TIAM1: variants seen among roughly 807,000 people sequenced by gnomAD.
TIAM1 encodes TIAM Rac1 associated GEF 1.
TIAM1 carries 65 observed loss-of-function variants against 163.5 expected under a neutral mutation model. The observed-to-expected ratio is 0.40, with a 90% CI of 0.33 to 0.49. TIAM1 has a LOEUF of 0.49. TIAM1 is among the 20% of genes least tolerant of loss of function. The pLI is 0.77. For synonymous variants in TIAM1, 833 were observed against 810.1 expected, an observed-to-expected ratio of 1.03 and a Z score of -0.48; for missense variants, 1,789 against 2,044.7, an observed-to-expected ratio of 0.87 and a Z score of 2.41.
rs2076378877 is a variant in TIAM1 at position 31,359,848 on chromosome 21, GGAAGGAAGGAAGGA to G, written c.-368-20440_-368-20427del. On this transcript the variant is annotated intron_variant, in intron 2 of 28. Coordinates refer to the TIAM1 transcript ENST00000286827. ...AGGAAGGAAGGAAGGAAGGAAGGAA[GGAAGGAAGGAAGGA>G]AGGGAGGGAGGGAGGAAAGACAATG... 2.1e-4 allele frequency among the ~76,000 whole-genome samples: 28 copies of G among 135,772 alleles called. 2 individuals carry two copies. The highest frequency in any genetic ancestry group is 5.7e-4 in the African/African-American group (18 of 31,642). The allele number at this position is 135,772 out of a possible 152,430, so 89.1% of individuals were successfully genotyped here.
At chr21:31,347,651 A>G (rs1026748383), upstream of TIAM1, among the ~76,000 whole-genome samples, 4 of 152,202 alleles carry the variant, frequency 2.6e-5, no homozygotes, top group African/African-American at 9.7e-5. Context: ...TTTTGTTGTT[A>G]ATTTCTCAAG....
In TIAM1 at chr21:31,487,552, G is replaced by C. The variant is rs1025295504; in HGVS notation, c.-421-23517C>G. On this transcript the variant is annotated intron_variant, in intron 1 of 28. Transcript: ENST00000286827. Reference sequence around the variant, plus strand: ...TGCCCAGCTAATTTTTTTTTTTTTTGTATTTTTTTTTTTTTTGAGACGGAG... The same window carrying C: ...TGCCCAGCTAATTTTTTTTTTTTTTCTATTTTTTTTTTTTTTGAGACGGAG... Among the ~76,000 whole-genome samples the C allele has an allele frequency of 4.4e-5, 2 of 45,874 alleles. 1 individual carries two copies. Among genetic ancestry groups the C allele is most frequent in the African/African-American group, 2.4e-4 (2 of 8,268 alleles). The allele number at this position is 45,874 out of a possible 152,430, so 30.1% of individuals were successfully genotyped here.
At chr21:31,557,298 G>C (rs915890811) in intron 1 of TIAM1, among the ~76,000 whole-genome samples, 1 of 152,090 alleles carries the variant, frequency 6.6e-6, no homozygotes, top group Non-Finnish European at 1.5e-5. Flanking sequence ...CTGGGGGAGT[G>C]AAGAACGCAG....
intron 1 of TIAM1, among the ~76,000 whole-genome samples, chr21:31,533,160 A>C (rs971300912): frequency 5.3e-5 from 8 of 152,146 alleles, no homozygotes; most frequent in African/African-American, 1.9e-4. Flanking sequence ...GTCTCTACTA[A>C]AACCACAAAA....
chr21:31,486,956 G>A (rs1486816544), intron 1 of TIAM1, among the ~76,000 whole-genome samples: 1 of 152,190 alleles, frequency 6.6e-6, no homozygotes, highest in African/African-American at 2.4e-5. Context: ...AGTGGTGCTA[G>A]CTAAGACTTG....
intron 2 of TIAM1, among the ~76,000 whole-genome samples, chr21:31,338,797 T>G (rs2075932180): frequency 6.6e-6 from 1 of 152,160 alleles, no homozygotes; most frequent in East Asian, 1.9e-4. Flanking sequence ...ATATTCCACT[T>G]GAACAAAACC....
chr21:31,131,500 G>A (rs1050570628), intron 23 of TIAM1, among the ~76,000 whole-genome samples: 19 of 152,204 alleles, frequency 1.2e-4, no homozygotes, highest in African/African-American at 4.3e-4. Flanking sequence ...TCTAGGAGTG[G>A]TAAACATGTA....
intron 23 of TIAM1, among the ~76,000 whole-genome samples, chr21:31,134,262 G>A (rs1031297438): frequency 2.6e-5 from 4 of 152,096 alleles, no homozygotes; most frequent in African/African-American, 9.7e-5. Context: ...ACATCACTGT[G>A]TGGGTCATTT....
At chr21:31,528,929 CTTT>C (rs1174827518) in intron 1 of TIAM1, among the ~76,000 whole-genome samples, 5 of 136,630 alleles carry the variant, frequency 3.7e-5, no homozygotes, top group Admixed American at 7.8e-5. Context: ...TCTTTTTATT[CTTT>C]TTTTTTTTTT....
At chr21:31,437,191 C>T (rs1231339540) in intron 2 of TIAM1, among the ~76,000 whole-genome samples, 1 of 152,058 alleles carries the variant, frequency 6.6e-6, no homozygotes, top group East Asian at 1.9e-4. Flanking sequence ...AGTTATTGAT[C>T]TAATTTATTT....
chr21:31,525,411 G>A (rs116913780), intron 1 of TIAM1, among the ~76,000 whole-genome samples: 4 of 151,064 alleles, frequency 2.6e-5, no homozygotes, highest in African/African-American at 7.3e-5. Flanking sequence ...CTCATAGAGC[G>A]AGAACTCGCT....
intron 20 of TIAM1, among the ~76,000 whole-genome samples, chr21:31,146,508 C>T (rs1328439845): frequency 6.7e-6 from 1 of 150,246 alleles, no homozygotes; most frequent in Non-Finnish European, 1.5e-5. Context: ...GTCAGGAGTT[C>T]GAGACCAGCC....
At chr21:31,148,947 C>A (rs2083254498) in intron 19 of TIAM1, among the ~76,000 whole-genome samples, 1 of 107,360 alleles carries the variant, frequency 9.3e-6, no homozygotes. Context: ...AAGATTTTAA[C>A]AAGTTTTTCT....
intron 1 of TIAM1, among the ~76,000 whole-genome samples, chr21:31,556,176 T>G (rs1423246726): frequency 6.6e-6 from 1 of 152,076 alleles, no homozygotes; most frequent in Non-Finnish European, 1.5e-5. Context: ...GCGCGAGAAT[T>G]CCCAGAACAA....
At chr21:31,304,822 A>G (rs2074636302) in intron 2 of TIAM1, among the ~76,000 whole-genome samples, 1 of 152,156 alleles carries the variant, frequency 6.6e-6, no homozygotes, top group South Asian at 2.1e-4. Context: ...CCTCCCAAGT[A>G]GCTGGGAGTA....
intron 1 of TIAM1, among the ~76,000 whole-genome samples, chr21:31,465,829 CA>C (rs1469777722): frequency 2.0e-5 from 3 of 152,054 alleles, no homozygotes; most frequent in Non-Finnish European, 4.4e-5. Flanking sequence ...CTTGGCCTCC[CA>C]AAAGTGCTGG....
At chr21:31,285,672 C>T (rs1290685752) in intron 2 of TIAM1, among the ~76,000 whole-genome samples, 2 of 152,068 alleles carry the variant, frequency 1.3e-5, no homozygotes, top group Non-Finnish European at 2.9e-5. Context: ...TCCAGCCTGT[C>T]CAACATGGTG....
At chr21:31,489,436 AAGC>A (rs1318821384) in intron 1 of TIAM1, among the ~76,000 whole-genome samples, 8 of 140,034 alleles carry the variant, frequency 5.7e-5, no homozygotes, top group East Asian at 2.1e-4. Context: ...GAAGAACAAG[AAGC>A]AGGAGGAGAA....
chr21:31,386,238 G>A (rs530416369), intron 2 of TIAM1, among the ~76,000 whole-genome samples: 2 of 151,984 alleles, frequency 1.3e-5, no homozygotes, highest in South Asian at 4.1e-4. Flanking sequence ...GTGCTGAGCA[G>A]AGACTTGTGT....
Sources: gnomAD v4.1 joint callset for allele counts (sites outside exome capture counted in the v4.1 genomes callset) on GRCh38, gnomAD v4.1.1 for gene constraint, MANE v1.5 for transcripts, NCBI Gene and HGNC (gene_info 2026-07-23, HGNC 2026-07-21) for gene names.